Variants in SLC4A3 observed in about 807,000 individuals in gnomAD.
SLC4A3 encodes the protein anion exchange protein 3.
A neutral mutation model predicts 114.2 loss-of-function variants in SLC4A3; 47 were observed. The observed-to-expected ratio is 0.41, with a 90% CI of 0.33 to 0.52. The LOEUF (loss-of-function observed/expected upper bound fraction) is 0.52. SLC4A3 is among the 20% of genes least tolerant of loss of function. SLC4A3 has a pLI of 0.21. For synonymous variants in SLC4A3, 693 were observed against 710.3 expected, an observed-to-expected ratio of 0.98 and a Z score of 0.39; for missense variants, 1,312 against 1,668.3, an observed-to-expected ratio of 0.79 and a Z score of 3.72.
At position 219,639,624 on chromosome 2, in the gene SLC4A3, C is replaced by G. The variant is rs1158133425; in HGVS notation, c.3166C>G (p.His1056Asp). The change falls in exon 20 of 23, where the codon CAT becomes GAT. Residue 1056 changes from histidine (H) to aspartate (D), a missense_variant. This residue lies in a region of SLC4A3 where 301 missense variants were observed against 460.7 expected (regional missense o/e 0.65). Coordinates refer to ENST00000358055, the MANE Select transcript of SLC4A3 (RefSeq NM_005070.4). The surrounding 1 kb of genome is among the most constrained non-coding windows in gnomAD (Gnocchi z 5.9). ...GGCTGCCACGGTCCGCTCCGTCACC[C>G]ATGTCAATGCGTTGACAGTGATGCG... ...LTAATVRSVTHVNALTVMRTA... is the reference protein window; with the variant it reads ...LTAATVRSVTDVNALTVMRTA... 1.2e-6 allele frequency: 2 copies of G among 1,613,832 alleles called. No homozygotes were observed. Among genetic ancestry groups the G allele is most frequent in the African/African-American group, 1.3e-5 (1 of 74,930 alleles).
At position 219,638,017 on chromosome 2, in the gene SLC4A3, G is replaced by A; in HGVS notation, c.2767-147G>A. ...AATCAAGACAACAGCCTCCCAGGCT[G>A]CGCTGGCACCTGTGGGGTTGAGAGG... On this transcript the variant is annotated intron_variant, in intron 17 of 22. Coordinates refer to ENST00000358055, the MANE Select transcript of SLC4A3 (RefSeq NM_005070.4). This position sits in a 1 kb window ranked among gnomAD's most constrained non-coding sequence, Gnocchi z 7.5. The A allele has an allele frequency of 1.4e-6, 1 of 730,954 alleles. No individual in the cohort carries two copies. Among genetic ancestry groups the A allele is most frequent in the Non-Finnish European group, 2.4e-6 (1 of 421,762 alleles). 45.3% of individuals were successfully genotyped at this position (730,954 alleles called of 1,614,324 possible). A position where few individuals can be genotyped will look rare whatever the true frequency, so the allele number is the denominator to read the frequency against.
rs749172189 is a variant in SLC4A3 at position 219,640,802 on chromosome 2, G to A, written c.3461G>A (p.Arg1154Gln). 44 of 1,611,498 alleles carry A rather than the reference G, an allele frequency of 2.7e-5. No homozygotes were observed. The highest frequency in any genetic ancestry group is 8.0e-5 in the African/African-American group (6 of 74,864). The part of the protein sequence containing the change: ...QPYVTKVKTW[R>Q]MHLFTCIQLG... ...CTGCTCCCCTAGGTGAAGACGTGGC[G>A]GATGCATCTGTTCACCTGCATCCAG... Residue 1154 changes from arginine to glutamine, a missense_variant, in exon 22 of 23, where the codon CGG becomes CAG. Arg to Gln is a conservative substitution (Grantham distance 43, BLOSUM62 1). Transcript: ENST00000358055.
rs557843124 is a variant in SLC4A3, at chr2:219,632,076, G to GGAA, written c.933_935dup (p.Lys313dup). 38 of 1,613,772 alleles carry GGAA rather than the reference G, an allele frequency of 2.4e-5. No individual in the cohort carries two copies. The highest frequency in any genetic ancestry group is 2.3e-4 in the South Asian group (21 of 91,076). On this transcript the variant is annotated inframe_insertion, in exon 7 of 23. Transcript: ENST00000358055. ...AGCGGCCTGGCCCCCATCCTTCGCA[G>GGAA]GAAGAAGAAGAAGAAAAAGCTGGAC...
Position 219,636,215 on chromosome 2 carries a change from T to C in SLC4A3, c.2192-87T>C. 3 of 1,530,186 alleles carry C rather than the reference T, an allele frequency of 2.0e-6. No individual in the cohort carries two copies. Among genetic ancestry groups the C allele is most frequent in the Non-Finnish European group, 2.7e-6 (3 of 1,118,972 alleles). The allele number at this position is 1,530,186 out of a possible 1,614,324, so 94.8% of individuals were successfully genotyped here. ...CTCTAAGGGGCTGCTCTGCTTTTGT[T>C]GGGGGCCCCAGTTTAGGACAAGCTA... On this transcript the variant is annotated intron_variant, in intron 14 of 22. Coordinates refer to ENST00000358055, the MANE Select transcript of SLC4A3 (RefSeq NM_005070.4). This position sits in a 1 kb window ranked among gnomAD's most constrained non-coding sequence, Gnocchi z 5.5.
In SLC4A3 at chr2:219,641,280, C is replaced by G. The variant is rs1289799746; in HGVS notation, c.3621+318C>G. 6.6e-6 allele frequency among the ~76,000 whole-genome samples: 1 copy of G among 152,134 alleles called. No homozygotes were observed. The highest frequency in any genetic ancestry group is 2.4e-5 in the African/African-American group (1 of 41,418). ...CCAAAAACACCCGGCTGAGAGGCTA[C>G]AGGGTTGATGTGGCACTGGTGTCCA... On this transcript the variant is annotated intron_variant, in intron 22 of 22. Transcript: ENST00000358055. This position sits in a 1 kb window ranked among gnomAD's most constrained non-coding sequence, Gnocchi z 4.0.
In SLC4A3 at chr2:219,636,092, T is replaced by C. The variant is rs1394583694; in HGVS notation, c.2191+201T>C. On this transcript the variant is annotated intron_variant, in intron 14 of 22. Coordinates refer to ENST00000358055, the MANE Select transcript of SLC4A3 (RefSeq NM_005070.4). The surrounding 1 kb of genome is among the most constrained non-coding windows in gnomAD (Gnocchi z 5.5). Reference sequence around the variant, plus strand: ...TTTGGGGAGCTATAAAGTGAGGGTGTGGGAGAGGTGTAAGGGATGAGGGAT... The same window carrying C: ...TTTGGGGAGCTATAAAGTGAGGGTGCGGGAGAGGTGTAAGGGATGAGGGAT... Among the ~76,000 whole-genome samples, 1 of 151,804 alleles carries C rather than the reference T, an allele frequency of 6.6e-6. No homozygotes were observed. Among genetic ancestry groups the C allele is most frequent in the Non-Finnish European group, 1.5e-5 (1 of 67,942 alleles).
Position 219,631,974 on chromosome 2 carries a change from G to A in SLC4A3, c.818G>A (p.Arg273Gln). 1 of 1,602,738 alleles carries A rather than the reference G, an allele frequency of 6.2e-7. No individual in the cohort carries two copies. Among genetic ancestry groups the A allele is most frequent in the Non-Finnish European group, 8.5e-7 (1 of 1,174,088 alleles). Residue 273 changes from arginine (R) to glutamine (Q), a missense_variant, in exon 7 of 23, where the codon CGA (arginine) becomes CAA (glutamine). Arg to Gln is a conservative substitution (Grantham distance 43). Coordinates refer to ENST00000358055, the MANE Select transcript of SLC4A3 (RefSeq NM_005070.4). The surrounding 1 kb of genome is among the most constrained non-coding windows in gnomAD (Gnocchi z 6.3). Reference sequence around the variant, plus strand: ...AAGCCCATCTTCTCTGCAGGTCACCGACTGGAGGACAACCCTGGTGTGCGG... The same window carrying A: ...AAGCCCATCTTCTCTGCAGGTCACCAACTGGAGGACAACCCTGGTGTGCGG... ...SADLDDMKSH[R>Q]LEDNPGVRRH... is the part of the protein sequence containing the mutation.
chr2:219,639,843 C>A lies in SLC4A3; in HGVS notation c.3277+108C>A. ...ATCTCCCAATGTGCTGTGTGTTGCC[C>A]TCAATCTGACCCCCAAACCTGCTTC... On this transcript the variant is annotated intron_variant, in intron 20 of 22. Coordinates refer to ENST00000358055, the MANE Select transcript of SLC4A3 (RefSeq NM_005070.4). This position sits in a 1 kb window ranked among gnomAD's most constrained non-coding sequence, Gnocchi z 5.9. The A allele has an allele frequency of 7.1e-7, 1 of 1,414,796 alleles. No homozygotes were observed. 87.6% of individuals were successfully genotyped at this position (1,414,796 alleles called of 1,614,324 possible). A position where few individuals can be genotyped will look rare whatever the true frequency, so the allele number is the denominator to read the frequency against.
At position 219,639,613 on chromosome 2, in the gene SLC4A3, G is replaced by A. The variant is rs867397573; in HGVS notation, c.3155G>A (p.Arg1052His). The A allele has an allele frequency of 5.6e-6, 9 of 1,613,882 alleles. No homozygotes were observed. Among genetic ancestry groups the A allele is most frequent in the Non-Finnish European group, 7.6e-6 (9 of 1,180,026 alleles). ...GLPWLTAATV[R>H]SVTHVNALTV... ...CCCTGGCTCACGGCTGCCACGGTCCGCTCCGTCACCCATGTCAATGCGTTG... is the reference window on the plus strand; with the variant it reads ...CCCTGGCTCACGGCTGCCACGGTCCACTCCGTCACCCATGTCAATGCGTTG... Residue 1052 changes from arginine (R) to histidine (H), a missense_variant, in exon 20 of 23, where the codon CGC (arginine) becomes CAC (histidine). Physicochemically the swap from Arg to His is conservative, Grantham distance 29. Around this residue, in one of 4 missense-constraint regions of SLC4A3, gnomAD observed 301 missense variants for 460.7 expected, o/e 0.65. Coordinates refer to ENST00000358055, the MANE Select transcript of SLC4A3 (RefSeq NM_005070.4). This position sits in a 1 kb window ranked among gnomAD's most constrained non-coding sequence, Gnocchi z 5.9.
rs1018958011 is a variant in SLC4A3, at chr2:219,636,674, A to C, written c.2341-6A>C. On this transcript the variant is annotated splice_region_variant and splice_polypyrimidine_tract_variant and intron_variant, in intron 15 of 22. Transcript: ENST00000358055. This position sits in a 1 kb window ranked among gnomAD's most constrained non-coding sequence, Gnocchi z 5.5. ...GTGGGTAACGACCGCTCCTACCCCC[A>C]CCTAGTTCTGCCGAGCCCAGGACCT... is the stretch of plus-strand genomic sequence containing the variant. The C allele has an allele frequency of 1.2e-6, 2 of 1,611,916 alleles. No homozygotes were observed. The highest frequency in any genetic ancestry group is 3.3e-5 in the Admixed American group (2 of 59,862).
At position 219,636,174 on chromosome 2, in the gene SLC4A3, G is replaced by A; in HGVS notation, c.2192-128G>A. 1 of 1,065,802 alleles carries A rather than the reference G, an allele frequency of 9.4e-7. No homozygotes were observed. Among genetic ancestry groups the A allele is most frequent in the Non-Finnish European group, 1.4e-6 (1 of 719,716 alleles). 66.0% of individuals were successfully genotyped at this position (1,065,802 alleles called of 1,614,324 possible). ...GGTTTGGGAGCAATGGGGTATGGAA[G>A]GGGCCCTGTGTGTCACTCTAAGGGG... On this transcript the variant is annotated intron_variant, in intron 14 of 22. Coordinates refer to ENST00000358055, the MANE Select transcript of SLC4A3 (RefSeq NM_005070.4). This position sits in a 1 kb window ranked among gnomAD's most constrained non-coding sequence, Gnocchi z 5.5.
In SLC4A3 at chr2:219,640,328, G is replaced by A. The variant is rs1023314842; in HGVS notation, c.3278-102G>A. On this transcript the variant is annotated intron_variant, in intron 20 of 22. Transcript: ENST00000358055. ...CCCCCAGGCCTCTCCATCCTCACGG[G>A]GGCTGTCTGAGGGTCAGGCAGATCT... The A allele has an allele frequency of 1.1e-5, 15 of 1,349,154 alleles. No homozygotes were observed. The African/African-American group carries it at 1.9e-4, about 17-fold the overall frequency. The allele number at this position is 1,349,154 out of a possible 1,614,324, so 83.6% of individuals were successfully genotyped here. A position where few individuals can be genotyped will look rare whatever the true frequency, so the allele number is the denominator to read the frequency against.
Position 219,630,657 on chromosome 2 carries a change from C to T in SLC4A3, c.811+305C>T, listed in dbSNP as rs1348850385. Among the ~76,000 whole-genome samples the T allele has an allele frequency of 6.6e-6, 1 of 152,206 alleles. No individual in the cohort carries two copies. Among genetic ancestry groups the T allele is most frequent in the Non-Finnish European group, 1.5e-5 (1 of 68,044 alleles). Reference sequence around the variant, plus strand: ...TGTATCCCTCCCCAAGGCCCCTCTTCTCGGGGTGAACTCTCTGTCTCCTCT... The same window carrying T: ...TGTATCCCTCCCCAAGGCCCCTCTTTTCGGGGTGAACTCTCTGTCTCCTCT... On this transcript the variant is annotated intron_variant, in intron 6 of 22. Coordinates refer to ENST00000358055, the MANE Select transcript of SLC4A3 (RefSeq NM_005070.4). The surrounding 1 kb of genome is among the most constrained non-coding windows in gnomAD (Gnocchi z 6.9).
In SLC4A3 at chr2:219,631,041, G is replaced by C; in HGVS notation, c.811+689G>C. ...GCAGTAGCAGCAGGATGGGGGGTGG[G>C]GGAGGGCGTGTTTACAGACCCAGGG... On this transcript the variant is annotated intron_variant, in intron 6 of 22. Coordinates refer to ENST00000358055, the MANE Select transcript of SLC4A3 (RefSeq NM_005070.4). This position sits in a 1 kb window ranked among gnomAD's most constrained non-coding sequence, Gnocchi z 6.3. 2 of 889,548 alleles carry C rather than the reference G, an allele frequency of 2.2e-6. No individual in the cohort carries two copies. Among genetic ancestry groups the C allele is most frequent in the Non-Finnish European group, 2.8e-6 (2 of 712,804 alleles). 55.1% of individuals were successfully genotyped at this position (889,548 alleles called of 1,614,324 possible).
At position 219,635,326 on chromosome 2, in the gene SLC4A3, T is replaced by C. The variant is rs1416604517; in HGVS notation, c.1802T>C (p.Ile601Thr). 6.2e-7 allele frequency: 1 copy of C among 1,614,122 alleles called. No homozygotes were observed. Among genetic ancestry groups the C allele is most frequent in the South Asian group, 1.1e-5 (1 of 91,084 alleles). The stretch of plus-strand genomic sequence containing the variant: ...GACCGGCAAGACCTCCTAAGTGCCA[T>C]CAGCGAGTTCCTGGATGGCAGCATT... ...ADDRQDLLSA[I>T]SEFLDGSIVI... The change falls in exon 13 of 23, where the codon ATC (isoleucine) becomes ACC (threonine). Residue 601 changes from isoleucine (I) to threonine (T), a missense_variant. Physicochemically the swap from Ile to Thr is moderately conservative, Grantham distance 89 (BLOSUM62 -1). Transcript: ENST00000358055.
In SLC4A3 at chr2:219,637,661, A is replaced by T; in HGVS notation, c.2616A>T (p.Pro872=). ...LEGSLDAGLE[P]NGSALPPTEG... is the part of the protein sequence containing the mutation. The stretch of plus-strand genomic sequence containing the variant: ...GGTCCCTGGATGCTGGTCTGGAGCC[A>T]AATGGCAGTGCCCTGCCCCCCACCG... The change falls in exon 17 of 23, where the codon CCA becomes CCT. Residue 872 remains proline (P), a synonymous_variant. Transcript: ENST00000358055. This position sits in a 1 kb window ranked among gnomAD's most constrained non-coding sequence, Gnocchi z 4.6. 5 of 1,612,798 alleles carry T rather than the reference A, an allele frequency of 3.1e-6. No individual in the cohort carries two copies. Among genetic ancestry groups the T allele is most frequent in the Non-Finnish European group, 4.2e-6 (5 of 1,178,896 alleles).
At position 219,632,929 on chromosome 2, in the gene SLC4A3, G is replaced by A; in HGVS notation, c.1197G>A (p.Val399=). Reference sequence around the variant, plus strand: ...CCCTGCCAGGCATTGCACACCTCGTGGTGGAGACCATGATTGTGTCTGACC... The same window carrying A: ...CCCTGCCAGGCATTGCACACCTCGTAGTGGAGACCATGATTGTGTCTGACC... ...QTTLPGIAHL[V]VETMIVSDQI... The change falls in exon 9 of 23, where the codon GTG becomes GTA. Residue 399 remains valine, a synonymous_variant. Coordinates refer to ENST00000358055, the MANE Select transcript of SLC4A3 (RefSeq NM_005070.4). 6.2e-7 allele frequency: 1 copy of A among 1,614,126 alleles called. No individual in the cohort carries two copies. The highest frequency in any genetic ancestry group is 1.1e-5 in the South Asian group (1 of 91,082).
At position 219,636,131 on chromosome 2, in the gene SLC4A3, T is replaced by C. The variant is rs988932766; in HGVS notation, c.2192-171T>C. Among the ~76,000 whole-genome samples the C allele has an allele frequency of 8.6e-5, 13 of 151,966 alleles. No individual in the cohort carries two copies. The highest frequency in any genetic ancestry group is 1.2e-4 in the Non-Finnish European group (8 of 67,966). Reference sequence around the variant, plus strand: ...GGGATGAGGGATCCTGTGATCACCATTGGGGGCTAGTGGGGAGGGTTTGGG... The same window carrying C: ...GGGATGAGGGATCCTGTGATCACCACTGGGGGCTAGTGGGGAGGGTTTGGG... On this transcript the variant is annotated intron_variant, in intron 14 of 22. Transcript: ENST00000358055. The surrounding 1 kb of genome is among the most constrained non-coding windows in gnomAD (Gnocchi z 5.5).
rs562583193 is a variant in SLC4A3 at position 219,630,394 on chromosome 2, G to A, written c.811+42G>A. ...GGCAGCCCCCATGGTCCACTGCGAC[G>A]GACTCCCAGCCTGCGAGTGACCTTG... On this transcript the variant is annotated intron_variant, in intron 6 of 22. Coordinates refer to ENST00000358055, the MANE Select transcript of SLC4A3 (RefSeq NM_005070.4). The surrounding 1 kb of genome is among the most constrained non-coding windows in gnomAD (Gnocchi z 6.9). 1.7e-5 allele frequency: 26 copies of A among 1,554,386 alleles called. No homozygotes were observed. The highest frequency in any genetic ancestry group is 2.4e-5 in the South Asian group (2 of 84,600).
Sources: allele counts gnomAD v4.1 joint callset (sites outside exome capture counted in the v4.1 genomes callset), GRCh38; gene constraint gnomAD v4.1.1; regional missense constraint gnomAD v4.1.1; non-coding constraint Gnocchi (gnomAD v3.1); transcripts MANE v1.5; gene names NCBI Gene and HGNC (gene_info 2026-07-23, HGNC 2026-07-21).